The following MYO3B variants were observed in gnomAD, a reference collection of about 807,000 sequenced individuals.
MYO3B encodes myosin IIIB, also known as myosin-IIIb.
In MYO3B, 156 loss-of-function variants were observed where a neutral mutation model predicts 174.6. That is an observed-to-expected ratio of 0.89 (90% CI 0.78 to 1.02). The LOEUF (loss-of-function observed/expected upper bound fraction) is 1.02, where lower values mean the gene tolerates loss of function less well. Among genes scored for constraint, MYO3B ranks in the 50% least tolerant of loss-of-function variants. The pLI, the probability that MYO3B is intolerant of heterozygous loss-of-function variation, is 0.00. For synonymous variants in MYO3B, 563 were observed against 569.1 expected (o/e 0.99, Z 0.15); for missense variants, 1,632 against 1,639.4 (o/e 1.00, Z 0.08).
chr2:170,539,743 C>T (rs1689964472), intron 30 of MYO3B, among the ~76,000 whole-genome samples: 1 of 152,002 alleles, frequency 6.6e-6, no homozygotes, highest in South Asian at 2.1e-4. Context: ...CCTCAGCCTC[C>T]TGAGTAGCTG....
intron 32 of MYO3B, among the ~76,000 whole-genome samples, chr2:170,602,781 C>T (rs192112764): frequency 1.3e-3 from 192 of 152,276 alleles, no homozygotes; most frequent in African/African-American, 4.5e-3. Context: ...TTAAGAATGA[C>T]TTCTGCCAGG....
At chr2:170,337,018 C>G (rs17579004) in intron 8 of MYO3B, among the ~76,000 whole-genome samples, 2,356 of 151,336 alleles carry the variant, frequency 0.016, 59 homozygotes, top group East Asian at 0.12. Context: ...CCCCTTTAGC[C>G]CCACGTTGAC....
At position 170,399,265 on chromosome 2, in the gene MYO3B, AAGAGAGAG is replaced by A. The variant is rs534114607; in HGVS notation, c.1792-921_1792-914del. On this transcript the variant is annotated intron_variant, in intron 16 of 34. Transcript: ENST00000408978. ...CTCAAAAAAAAAAAAAAAAAAAAAA[AAGAGAGAG>A]ACCAGTCTGGCCAACAGGGCAAAAC... 5.2e-4 allele frequency among the ~76,000 whole-genome samples: 54 copies of A among 104,236 alleles called. 3 individuals carry two copies. Among genetic ancestry groups the A allele is most frequent in the African/African-American group, 1.1e-3 (26 of 24,076 alleles). The allele number at this position is 104,236 out of a possible 152,430, so 68.4% of individuals were successfully genotyped here.
chr2:170,504,263 G>T (rs1410304236), intron 28 of MYO3B, among the ~76,000 whole-genome samples: 2 of 152,156 alleles, frequency 1.3e-5, no homozygotes, highest in Non-Finnish European at 2.9e-5. Context: ...TTGAAATTTA[G>T]ATTCTGTGGA....
At chr2:170,400,561 C>T (rs986521451) in intron 17 of MYO3B, among the ~76,000 whole-genome samples, 5 of 151,936 alleles carry the variant, frequency 3.3e-5, no homozygotes, top group East Asian at 3.9e-4. Flanking sequence ...CCTGCCACCA[C>T]GCCTGGCTAA....
At chr2:170,535,804 A>G (rs923765258) in intron 30 of MYO3B, among the ~76,000 whole-genome samples, 1 of 152,160 alleles carries the variant, frequency 6.6e-6, no homozygotes, top group Non-Finnish European at 1.5e-5. Context: ...CACAAATTCC[A>G]CCTGAGCTCA....
At chr2:170,245,853 T>G (rs1425421655) in intron 7 of MYO3B, among the ~76,000 whole-genome samples, 2 of 152,174 alleles carry the variant, frequency 1.3e-5, no homozygotes, top group Non-Finnish European at 2.9e-5. Flanking sequence ...AAGATACCAG[T>G]GCCTCATGTA....
At chr2:170,240,252 C>T (rs1341064916) in intron 7 of MYO3B, among the ~76,000 whole-genome samples, 1 of 152,036 alleles carries the variant, frequency 6.6e-6, no homozygotes, top group African/African-American at 2.4e-5. Context: ...TTATGTTTAC[C>T]ACATTCCCTG....
intron 7 of MYO3B, among the ~76,000 whole-genome samples, chr2:170,330,986 A>G (rs1414274307): frequency 2.0e-5 from 3 of 152,212 alleles, no homozygotes; most frequent in African/African-American, 7.2e-5. Context: ...CAAAAAATTT[A>G]CCGAGTATTT....
At chr2:170,212,920 C>T (rs1191525617) in intron 3 of MYO3B, among the ~76,000 whole-genome samples, 1 of 152,190 alleles carries the variant, frequency 6.6e-6, no homozygotes, top group Admixed American at 6.5e-5. Context: ...TGGGGACCCC[C>T]TTTTTATCTG....
At chr2:170,279,129 T>A (rs559625941) in intron 7 of MYO3B, among the ~76,000 whole-genome samples, 2 of 152,254 alleles carry the variant, frequency 1.3e-5, no homozygotes, top group East Asian at 3.9e-4. Flanking sequence ...TGATTCCCTT[T>A]CCTTTGGGTA....
rs1179164017 is a variant in MYO3B at position 170,499,933 on chromosome 2, CCCTTCCTT to C, written c.3289+135_3289+142del. On this transcript the variant is annotated intron_variant, in intron 27 of 34. Transcript: ENST00000408978. ...TCCCTTCCTTCTCCCCTCCCTCCCT[CCCTTCCTT>C]CCTTCCTTCTTTCCTTCCTTCCTTC... 36 of 696,854 alleles carry C rather than the reference CCCTTCCTT, an allele frequency of 5.2e-5. No individual in the cohort carries two copies. The East Asian group carries it at 9.0e-4, about 17-fold the overall frequency. 43.2% of individuals were successfully genotyped at this position (696,854 alleles called of 1,614,324 possible). A position where few individuals can be genotyped will look rare whatever the true frequency, so the allele number is the denominator to read the frequency against.
chr2:170,384,042 C>T (rs1252705728), intron 12 of MYO3B: 8 of 422,744 alleles, frequency 1.9e-5, no homozygotes, highest in East Asian at 7.3e-5. Context: ...ACATGAGGTG[C>T]GCTCATTTTC....
rs1698740421 is a variant in MYO3B at position 170,649,229 on chromosome 2, AAAATAAT to A, written c.3734-2397_3734-2391del. Among the ~76,000 whole-genome samples, 4 of 71,160 alleles carry A rather than the reference AAAATAAT, an allele frequency of 5.6e-5. 1 individual carries two copies. Among genetic ancestry groups the A allele is most frequent in the African/African-American group, 2.1e-4 (3 of 14,450 alleles). The allele number at this position is 71,160 out of a possible 152,430, so 46.7% of individuals were successfully genotyped here. Reference sequence around the variant, plus strand: ...AAATAATATATAATATATTATATATAAAATAATATATATTATATATAAAATAATATAT... The same window carrying A: ...AAATAATATATAATATATTATATATAATATATTATATATAAAATAATATAT... On this transcript the variant is annotated intron_variant, in intron 32 of 34. Coordinates refer to ENST00000408978, the MANE Select transcript of MYO3B (RefSeq NM_138995.5).
intron 27 of MYO3B, 78 bp downstream of exon 27, chr2:170,499,886 T>A: frequency 7.1e-7 from 1 of 1,409,500 alleles, no homozygotes; most frequent in Non-Finnish European, 9.7e-7. Context: ...CAACTGTTTC[T>A]CTTCTAAGTG....
At chr2:170,375,523 TC>T (rs1412933657) in intron 9 of MYO3B, among the ~76,000 whole-genome samples, 11 of 147,830 alleles carry the variant, frequency 7.4e-5, no homozygotes, top group Non-Finnish European at 1.5e-4. Flanking sequence ...TTTTTTTTTT[TC>T]TGCTCTGTTT....
chr2:170,551,298 A>C (rs1690865116), intron 32 of MYO3B, among the ~76,000 whole-genome samples: 1 of 151,444 alleles, frequency 6.6e-6, no homozygotes, highest in Non-Finnish European at 1.5e-5. Flanking sequence ...AATTACTCTA[A>C]GCCCCACCAG....
At chr2:170,282,486 G>A (rs964379999) in intron 7 of MYO3B, among the ~76,000 whole-genome samples, 5 of 152,070 alleles carry the variant, frequency 3.3e-5, no homozygotes, top group African/African-American at 7.2e-5. Context: ...ATACCAATAC[G>A]ATGCTCTCAT....
chr2:170,560,038 TA>T (rs1691604168), intron 32 of MYO3B, among the ~76,000 whole-genome samples: 1 of 152,182 alleles, frequency 6.6e-6, no homozygotes, highest in Non-Finnish European at 1.5e-5. Flanking sequence ...GCCTGGTACA[TA>T]GTAAGCATCT....
Sources: allele counts gnomAD v4.1 joint callset (sites outside exome capture counted in the v4.1 genomes callset), GRCh38; gene constraint gnomAD v4.1.1; transcripts MANE v1.5; gene names NCBI Gene and HGNC (gene_info 2026-07-23, HGNC 2026-07-21).